RIC1: variants seen among roughly 807,000 people sequenced by gnomAD.
RIC1 encodes guanine nucleotide exchange factor subunit RIC1.
A neutral mutation model predicts 169.0 loss-of-function variants in RIC1; 88 were observed. That is an observed-to-expected ratio of 0.52 (90% CI 0.44 to 0.62). RIC1 has a LOEUF of 0.62. RIC1 is among the 20% of genes least tolerant of loss of function. The probability of loss-of-function intolerance (pLI) is 0.00; values close to 1 mark genes in which losing one functional copy is unlikely to be tolerated. For missense variants in RIC1, 1,877 were observed against 1,725.5 expected (o/e 1.09, Z -1.56); for synonymous variants, 790 against 601.5 (o/e 1.31, Z -4.59).
In RIC1 at chr9:5,773,939, GT is replaced by G. The variant is rs771428108; in HGVS notation, c.3984-11del. The G allele has an allele frequency of 1.2e-5, 19 of 1,541,678 alleles. No individual in the cohort carries two copies. The East Asian group carries it at 1.6e-4, about 13-fold the overall frequency. On this transcript the variant is annotated intron_variant, in intron 25 of 25. Coordinates refer to ENST00000414202, the MANE Select transcript of RIC1 (RefSeq NM_020829.4). The stretch of plus-strand genomic sequence containing the variant: ...TTTGAATTATGGCAGATGAGCTAAT[GT>G]TTTTTTTCTCTACATAGTCCTGGAT...
Position 5,745,976 on chromosome 9 carries a change from G to A in RIC1, c.1141G>A (p.Gly381Ser). 1 of 1,613,628 alleles carries A rather than the reference G, an allele frequency of 6.2e-7. No homozygotes were observed. The highest frequency in any genetic ancestry group is 8.5e-7 in the Non-Finnish European group (1 of 1,179,650). ...TCACCTATGGGTAATCAGCGGATTT[G>A]GTTCTCAAAACACTGAAATTGAGTC... ...GYHLWVISGFGSQNTEIESDL... is the reference protein window; with the variant it reads ...GYHLWVISGFSSQNTEIESDL... Residue 381 changes from glycine (G) to serine (S), a missense_variant, in exon 11 of 26, where the codon GGT (glycine) becomes AGT (serine). Physicochemically the swap from Gly to Ser is moderately conservative, Grantham distance 56. Transcript: ENST00000414202.
Position 5,754,865 on chromosome 9 carries a change from G to A in RIC1, c.1627G>A (p.Gly543Ser). Residue 543 changes from glycine to serine, a missense_variant, in exon 15 of 26, where the codon GGC becomes AGC. Physicochemically the swap from Gly to Ser is moderately conservative, Grantham distance 56 (BLOSUM62 0). Transcript: ENST00000414202. ...GGAGCAAAATATGATCGTGACAGGT[G>A]GCTTAGCCTGGTGGAATGATTTTAT... ...TQEQNMIVTG[G>S]LAWWNDFMVL... The A allele has an allele frequency of 6.4e-7, 1 of 1,572,392 alleles. No homozygotes were observed. The highest frequency in any genetic ancestry group is 8.7e-7 in the Non-Finnish European group (1 of 1,153,172).
intron 2 of RIC1, among the ~76,000 whole-genome samples, chr9:5,671,462 G>A (rs912879939): frequency 3.3e-5 from 5 of 151,934 alleles, no homozygotes; most frequent in African/African-American, 9.7e-5. Flanking sequence ...TCTTAGTAGC[G>A]ACAGGGTTTT....
At chr9:5,637,836 C>T (rs1051594230) in intron 1 of RIC1, among the ~76,000 whole-genome samples, 4 of 152,076 alleles carry the variant, frequency 2.6e-5, no homozygotes, top group African/African-American at 9.7e-5. Flanking sequence ...GTGCAAGTAC[C>T]ATGTTTTCTT....
intron 3 of RIC1, among the ~76,000 whole-genome samples, chr9:5,696,052 T>C (rs1821885524): frequency 6.6e-6 from 1 of 152,180 alleles, no homozygotes; most frequent in Admixed American, 6.5e-5. Context: ...ACTTTACATA[T>C]TTGTTCAGTC....
intron 3 of RIC1, among the ~76,000 whole-genome samples, chr9:5,691,925 C>T (rs1350702643): frequency 6.6e-6 from 1 of 151,812 alleles, no homozygotes; most frequent in Non-Finnish European, 1.5e-5. Context: ...ATTTTGAGAC[C>T]CACTTTTTGT....
intron 2 of RIC1, among the ~76,000 whole-genome samples, chr9:5,689,237 G>A (rs951372207): frequency 6.6e-6 from 1 of 151,604 alleles, no homozygotes; most frequent in Non-Finnish European, 1.5e-5. Context: ...TTTTTTAGTA[G>A]AGACAGGGTT....
chr9:5,666,741 C>T (rs1208217414), intron 2 of RIC1, among the ~76,000 whole-genome samples: 6 of 152,122 alleles, frequency 3.9e-5, no homozygotes, highest in South Asian at 2.1e-4. Context: ...CACTTTGTCA[C>T]GATGTATGAA....
chr9:5,650,108 G>A (rs991561166), intron 1 of RIC1, among the ~76,000 whole-genome samples: 1 of 152,132 alleles, frequency 6.6e-6, no homozygotes, highest in Non-Finnish European at 1.5e-5. Flanking sequence ...CGGCCCCAGG[G>A]TACACAGGCA....
chr9:5,684,908 A>G (rs563718288), intron 2 of RIC1, among the ~76,000 whole-genome samples: 135 of 152,318 alleles, frequency 8.9e-4, no homozygotes, highest in African/African-American at 3.1e-3. Flanking sequence ...CTTTTAATGC[A>G]ATGTATTCAG....
At chr9:5,667,137 G>A (rs10975223) in intron 2 of RIC1, among the ~76,000 whole-genome samples, 3 of 151,550 alleles carry the variant, frequency 2.0e-5, no homozygotes, top group East Asian at 2.0e-4. Context: ...GGAGCCTGGG[G>A]GACATAGCAT....
chr9:5,735,573 T>A (rs1229286024), intron 7 of RIC1, among the ~76,000 whole-genome samples: 2 of 152,204 alleles, frequency 1.3e-5, no homozygotes, highest in East Asian at 3.8e-4. Context: ...AGCATGCCCA[T>A]GGGTTAGGGT....
At chr9:5,737,714 CT>C (rs1460151514) in intron 7 of RIC1, among the ~76,000 whole-genome samples, 1 of 151,636 alleles carries the variant, frequency 6.6e-6, no homozygotes, top group Non-Finnish European at 1.5e-5. Context: ...TCGCCCAAGA[CT>C]TTTAACTACT....
intron 2 of RIC1, among the ~76,000 whole-genome samples, chr9:5,675,568 A>G (rs1369290295): frequency 6.6e-6 from 1 of 152,202 alleles, no homozygotes; most frequent in African/African-American, 2.4e-5. Flanking sequence ...AATTTCTTCT[A>G]ACTTCTTTGT....
At chr9:5,717,576 A>G (rs1823329517) in intron 4 of RIC1, among the ~76,000 whole-genome samples, 1 of 152,182 alleles carries the variant, frequency 6.6e-6, no homozygotes, top group Non-Finnish European at 1.5e-5. Context: ...CAGGCACAGT[A>G]GCTCACACCT....
In RIC1 at chr9:5,736,332, C is replaced by A. The variant is rs140290424; in HGVS notation, c.813-2118C>A. ...ATGACATTTTCCCTCCCACCTGATA[C>A]AGCCAAGAAAACGGACAAAAATATG... On this transcript the variant is annotated intron_variant, in intron 7 of 25. Transcript: ENST00000414202. 1.4e-3 allele frequency among the ~76,000 whole-genome samples: 206 copies of A among 152,334 alleles called. 1 individual carries two copies. Among genetic ancestry groups the A allele is most frequent in the African/African-American group, 4.8e-3 (199 of 41,558 alleles).
intron 3 of RIC1, among the ~76,000 whole-genome samples, chr9:5,701,152 T>G (rs539924856): frequency 6.6e-6 from 1 of 152,254 alleles, no homozygotes; most frequent in Non-Finnish European, 1.5e-5. Context: ...AACTGTGGTA[T>G]AGCTGGCTCT....
chr9:5,683,891 A>AGACT (rs1004111376), intron 2 of RIC1, among the ~76,000 whole-genome samples: 22 of 152,082 alleles, frequency 1.4e-4, no homozygotes, highest in Non-Finnish European at 2.6e-4. Flanking sequence ...GTTTGATCTC[A>AGACT]GACTGCTGTG....
Position 5,732,798 on chromosome 9 carries a change from A to G in RIC1, c.812+319A>G, listed in dbSNP as rs1587057103. Among the ~76,000 whole-genome samples the G allele has an allele frequency of 2.6e-5, 4 of 152,256 alleles. No homozygotes were observed. In the South Asian group the frequency reaches 8.3e-4, roughly 32 times the overall value. ...TATTGTTTAAAAGAGGATTTGGAAGATTTTTTTAAATCTTAATTTTTAAGA... is the reference window on the plus strand; with the variant it reads ...TATTGTTTAAAAGAGGATTTGGAAGGTTTTTTTAAATCTTAATTTTTAAGA... On this transcript the variant is annotated intron_variant, in intron 7 of 25. Coordinates refer to ENST00000414202, the MANE Select transcript of RIC1 (RefSeq NM_020829.4).
Sources: allele counts gnomAD v4.1 joint callset (sites outside exome capture counted in the v4.1 genomes callset), GRCh38; gene constraint gnomAD v4.1.1; transcripts MANE v1.5; gene names NCBI Gene and HGNC (gene_info 2026-07-23, HGNC 2026-07-21).